Variants in GAS7 observed in about 807,000 individuals in gnomAD.
GAS7 encodes the protein growth arrest specific 7, also known as growth arrest-specific protein 7.
A neutral mutation model predicts 71.1 loss-of-function variants in GAS7; 28 were observed. That is an observed-to-expected ratio of 0.39 (90% CI 0.29 to 0.54). The LOEUF (loss-of-function observed/expected upper bound fraction) is 0.54, where lower values mean the gene tolerates loss of function less well. Among genes scored for constraint, GAS7 ranks in the 20% least tolerant of loss-of-function variants. The probability of loss-of-function intolerance (pLI) is 0.62; values close to 1 mark genes in which losing one functional copy is unlikely to be tolerated. For missense variants in GAS7, 436 were observed against 627.8 expected (o/e 0.69, Z 3.27); for synonymous variants, 258 against 245.8 (o/e 1.05, Z -0.46).
intron 2 of GAS7, 142 bp downstream of exon 2, chr17:10,019,635 G>C (rs560359036): frequency 1.0e-5 from 8 of 774,712 alleles, no homozygotes; most frequent in Admixed American, 2.7e-5. Flanking sequence ...GGAGGAGTAA[G>C]ACTTTACTGT....
chr17:9,985,776 C>T (rs1033152663), intron 2 of GAS7, among the ~76,000 whole-genome samples: 1 of 152,196 alleles, frequency 6.6e-6, no homozygotes, highest in Non-Finnish European at 1.5e-5. Flanking sequence ...CACCAATCCC[C>T]TTGTCTCAAA....
chr17:10,024,133 G>GA (rs1421229928), intron 1 of GAS7, among the ~76,000 whole-genome samples: 1 of 151,670 alleles, frequency 6.6e-6, no homozygotes, highest in Non-Finnish European at 1.5e-5. Context: ...CAAAAATAAA[G>GA]AAAAAATAAA....
intron 2 of GAS7, among the ~76,000 whole-genome samples, chr17:10,009,136 C>T (rs1044144548): frequency 1.3e-5 from 2 of 151,332 alleles, no homozygotes; most frequent in Admixed American, 6.6e-5. Flanking sequence ...CCGGCTAAAA[C>T]GGTGAAACCC....
intron 1 of GAS7, among the ~76,000 whole-genome samples, chr17:10,115,064 C>A (rs1379166046): frequency 4.6e-5 from 7 of 152,196 alleles, no homozygotes; most frequent in African/African-American, 1.7e-4. Flanking sequence ...CCTCTCTGTG[C>A]CAGACCCAAG....
chr17:10,180,099 G>A (rs1325287366), intron 1 of GAS7, among the ~76,000 whole-genome samples: 2 of 152,248 alleles, frequency 1.3e-5, no homozygotes, highest in East Asian at 3.9e-4. Context: ...CCAGCACTCT[G>A]GGAGGCCAAG....
rs144773102 is a variant in GAS7, at chr17:10,104,724, C to T, written c.184-84827G>A. On this transcript the variant is annotated intron_variant, in intron 1 of 13. Transcript: ENST00000432992. ...AAAATCTAGGATTCTCAAGTCCACA[C>T]ACCTTCCACATCCAATTCCTCTCAC... is the stretch of plus-strand genomic sequence containing the variant. 2.3e-3 allele frequency among the ~76,000 whole-genome samples: 346 copies of T among 152,318 alleles called. 2 individuals carry two copies. Among genetic ancestry groups the T allele is most frequent in the African/African-American group, 8.0e-3 (334 of 41,564 alleles).
intron 1 of GAS7, among the ~76,000 whole-genome samples, chr17:10,148,072 G>C (rs897518490): frequency 6.6e-6 from 1 of 152,152 alleles, no homozygotes; most frequent in African/African-American, 2.4e-5. Context: ...GAGAGCACCT[G>C]AAAAATCATA....
intron 1 of GAS7, among the ~76,000 whole-genome samples, chr17:10,038,291 G>C (rs1258136677): frequency 6.6e-6 from 1 of 152,150 alleles, no homozygotes; most frequent in Non-Finnish European, 1.5e-5. Flanking sequence ...GGAGGGTGCA[G>C]TGAGCTAGGA....
intron 11 of GAS7, 145 bp downstream of exon 11, chr17:9,925,331 G>T: frequency 1.3e-6 from 1 of 782,226 alleles, no homozygotes; most frequent in Non-Finnish European, 2.1e-6. Flanking sequence ...GGAAGAGGGG[G>T]TACCTCCTGG....
intron 1 of GAS7, among the ~76,000 whole-genome samples, chr17:10,090,231 C>T (rs1461531781): frequency 6.6e-6 from 1 of 150,854 alleles, no homozygotes; most frequent in Non-Finnish European, 1.5e-5. Context: ...TGCTGTTTTG[C>T]ATTCTAAGTC....
intron 1 of GAS7, among the ~76,000 whole-genome samples, chr17:10,151,764 T>C (rs1340939472): frequency 6.6e-6 from 1 of 152,200 alleles, no homozygotes; most frequent in African/African-American, 2.4e-5. Flanking sequence ...CAAGCTAGTC[T>C]TGAACTCCTG....
chr17:9,929,510 T>C (rs1423954974), intron 9 of GAS7, among the ~76,000 whole-genome samples: 1 of 152,228 alleles, frequency 6.6e-6, no homozygotes, highest in Non-Finnish European at 1.5e-5. Flanking sequence ...AGTCTCACTC[T>C]GTCTCCCAGG....
chr17:9,940,209 A>G lies in GAS7; in HGVS notation c.732-9T>C. 6.2e-7 allele frequency: 1 copy of G among 1,610,236 alleles called. No individual in the cohort carries two copies. Among genetic ancestry groups the G allele is most frequent in the Non-Finnish European group, 8.5e-7 (1 of 1,176,404 alleles). On this transcript the variant is annotated splice_polypyrimidine_tract_variant and intron_variant, in intron 7 of 13. Coordinates refer to ENST00000432992, the MANE Select transcript of GAS7 (RefSeq NM_201433.2). ...CTTCTTCAATCTTTATCCTGCAAAG[A>G]GAGAAAACCCAACACACATCAGCTC...
intron 1 of GAS7, among the ~76,000 whole-genome samples, chr17:10,023,151 T>C (rs1048988233): frequency 1.3e-5 from 2 of 152,226 alleles, no homozygotes; most frequent in Non-Finnish European, 2.9e-5. Context: ...AGGAGGGCAC[T>C]GGGGCCACCA....
At chr17:10,138,437 T>C (rs752775136) in intron 1 of GAS7, among the ~76,000 whole-genome samples, 4 of 152,172 alleles carry the variant, frequency 2.6e-5, no homozygotes, top group African/African-American at 7.2e-5. Context: ...TAATAAAACA[T>C]ACTGGCTTGT....
chr17:9,923,153 C>T (rs532615732), intron 11 of GAS7, among the ~76,000 whole-genome samples: 3 of 152,142 alleles, frequency 2.0e-5, no homozygotes, highest in South Asian at 2.1e-4. Context: ...GTGATCTGCC[C>T]GCCTGGGCCT....
chr17:10,162,185 G>A (rs2074262151), intron 1 of GAS7, among the ~76,000 whole-genome samples: 1 of 151,810 alleles, frequency 6.6e-6, no homozygotes, highest in South Asian at 2.1e-4. Context: ...GAGATAAACT[G>A]AAAGCAGTGA....
intron 1 of GAS7, among the ~76,000 whole-genome samples, chr17:10,095,956 C>T (rs2073637542): frequency 6.6e-6 from 1 of 152,140 alleles, no homozygotes; most frequent in Non-Finnish European, 1.5e-5. Context: ...TCCTGTTCCT[C>T]CTCATTCCTC....
intron 1 of GAS7, among the ~76,000 whole-genome samples, chr17:10,130,257 G>A (rs1249303586): frequency 6.7e-6 from 1 of 149,132 alleles, no homozygotes; most frequent in Admixed American, 6.7e-5. Flanking sequence ...GCCAACACCA[G>A]TAGTCTTCAG....
Sources: gnomAD v4.1 joint callset for allele counts (sites outside exome capture counted in the v4.1 genomes callset) on GRCh38, gnomAD v4.1.1 for gene constraint, MANE v1.5 for transcripts, NCBI Gene and HGNC (gene_info 2026-07-23, HGNC 2026-07-21) for gene names.